The following SCN2A variants were observed in gnomAD, a reference collection of about 807,000 sequenced individuals.
The protein encoded by SCN2A is sodium channel protein type 2 subunit alpha.
SCN2A carries 20 observed loss-of-function variants against 188.7 expected under a neutral mutation model. The ratio of observed to expected loss-of-function variants is 0.11; its 90% CI spans 0.07 to 0.15. SCN2A has a LOEUF of 0.15. Ranked by LOEUF, SCN2A falls within the 10% of genes least tolerant of loss-of-function variation. The pLI is 1.00. For missense variants in SCN2A, 1,278 were observed against 2,445.0 expected, an observed-to-expected ratio of 0.52 and a Z score of 10.07; for synonymous variants, 804 against 833.1, an observed-to-expected ratio of 0.97 and a Z score of 0.60.
intron 3 of SCN2A, among the ~76,000 whole-genome samples, chr2:165,304,766 G>T (rs1395399690): frequency 6.6e-6 from 1 of 152,110 alleles, no homozygotes; most frequent in African/African-American, 2.4e-5. Context: ...AATAATTACA[G>T]TATTATCCAA....
chr2:165,354,651 G>A lies in SCN2A; in HGVS notation c.3379G>A (p.Asp1127Asn). Residue 1127 changes from aspartate (D) to asparagine (N), a missense_variant, in exon 17 of 27, where the codon GAT (aspartate) becomes AAT (asparagine). Around this residue, in one of 17 missense-constraint regions of SCN2A, gnomAD observed 228 missense variants for 297.3 expected, o/e 0.77. Coordinates refer to ENST00000375437, the MANE Select transcript of SCN2A (RefSeq NM_001040142.2). ...TACTGAAGAATTCAGCAGCGAGTCAGATATGGAGGAAAGCAAAGAGGTAAA... is the reference window on the plus strand; with the variant it reads ...TACTGAAGAATTCAGCAGCGAGTCAAATATGGAGGAAAGCAAAGAGGTAAA... Reference protein sequence around the residue: ...LNTEEFSSESDMEESKEKLNA... With the variant: ...LNTEEFSSESNMEESKEKLNA... 1 of 1,613,774 alleles carries A rather than the reference G, an allele frequency of 6.2e-7. No individual in the cohort carries two copies. The highest frequency in any genetic ancestry group is 8.5e-7 in the Non-Finnish European group (1 of 1,179,934).
In SCN2A at chr2:165,276,901, C is replaced by T. The variant is rs79884927; in HGVS notation, c.-51-18872C>T. ...AAAAATTAGTTCAATTCTGGATGGG[C>T]GCGGTGGCTCATGCCTATAATCCCA... On this transcript the variant is annotated intron_variant, in intron 1 of 26. Coordinates refer to ENST00000375437, the MANE Select transcript of SCN2A (RefSeq NM_001040142.2). 8.6e-3 allele frequency among the ~76,000 whole-genome samples: 1,308 copies of T among 152,132 alleles called. 14 individuals are homozygous for T. The highest frequency in any genetic ancestry group is 0.029 in the African/African-American group (1,220 of 41,502).
intron 17 of SCN2A, among the ~76,000 whole-genome samples, chr2:165,359,920 T>C (rs988148104): frequency 6.6e-6 from 1 of 152,014 alleles, no homozygotes; most frequent in Non-Finnish European, 1.5e-5. Context: ...TTAAAAATGT[T>C]ATAATGTATT....
intron 1 of SCN2A, 82 bp downstream of exon 1, chr2:165,239,722 T>G: frequency 1.6e-6 from 1 of 607,750 alleles, no homozygotes; most frequent in Non-Finnish European, 2.1e-6. Context: ...AGATGTGTGC[T>G]TTGTTAGCTT....
chr2:165,299,807 GT>G (rs1696707150), intron 3 of SCN2A, among the ~76,000 whole-genome samples: 1 of 152,206 alleles, frequency 6.6e-6, no homozygotes, highest in Non-Finnish European at 1.5e-5. Flanking sequence ...TTTGGCCACA[GT>G]TGGGAGGTCA....
At chr2:165,287,297 G>A (rs1410830700) in intron 1 of SCN2A, among the ~76,000 whole-genome samples, 1 of 152,156 alleles carries the variant, frequency 6.6e-6, no homozygotes, top group African/African-American at 2.4e-5. Context: ...CACATGTGCA[G>A]TGATCTGCCA....
chr2:165,310,996 A>G (rs994241595), intron 7 of SCN2A, among the ~76,000 whole-genome samples: 6 of 152,142 alleles, frequency 3.9e-5, no homozygotes, highest in South Asian at 2.1e-4. Context: ...TTGATGCAAC[A>G]TATGTATTGA....
At chr2:165,329,687 C>A (rs1334414784) in intron 13 of SCN2A, among the ~76,000 whole-genome samples, 2 of 152,048 alleles carry the variant, frequency 1.3e-5, no homozygotes, top group Non-Finnish European at 2.9e-5. Flanking sequence ...CATATTATGG[C>A]AGTATACAGA....
At chr2:165,265,185 T>C (rs1694784440) in intron 1 of SCN2A, among the ~76,000 whole-genome samples, 2 of 151,974 alleles carry the variant, frequency 1.3e-5, no homozygotes, top group Non-Finnish European at 2.9e-5. Flanking sequence ...TGTGAGATGG[T>C]ATCTCTTTGT....
At position 165,309,450 on chromosome 2, in the gene SCN2A, G is replaced by C. The variant is rs781207717; in HGVS notation, c.697+7G>C. ...ACAATTTCAGTCATTCCAGGTGAGA[G>C]CTAGGTTAAACACCGAGGCTGACTT... is the stretch of plus-strand genomic sequence containing the variant. On this transcript the variant is annotated splice_region_variant and intron_variant, in intron 6 of 26. Transcript: ENST00000375437. 6.2e-7 allele frequency: 1 copy of C among 1,613,502 alleles called. No homozygotes were observed. The highest frequency in any genetic ancestry group is 2.2e-5 in the East Asian group (1 of 44,872).
At position 165,389,837 on chromosome 2, in the gene SCN2A, A is replaced by T. The variant is rs767960557; in HGVS notation, c.*13A>T. 6.3e-7 allele frequency: 1 copy of T among 1,589,574 alleles called. No homozygotes were observed. The highest frequency in any genetic ancestry group is 8.6e-7 in the Non-Finnish European group (1 of 1,167,586). ...AAGTAAAAAGTAAAAAGAAACCAAG[A>T]ATTTTCCATTTTGTGATCAATTGTT... On this transcript the variant is annotated 3_prime_UTR_variant, in exon 27 of 27. Coordinates refer to ENST00000375437, the MANE Select transcript of SCN2A (RefSeq NM_001040142.2). The surrounding 1 kb of genome is among the most constrained non-coding windows in gnomAD (Gnocchi z 4.2).
intron 1 of SCN2A, chr2:165,294,177 C>A: frequency 2.3e-6 from 2 of 855,470 alleles, no homozygotes; most frequent in Non-Finnish European, 2.8e-6. Context: ...CTCTGTGATG[C>A]TTCTCTACCT....
intron 11 of SCN2A, among the ~76,000 whole-genome samples, chr2:165,322,555 C>T (rs1250103035): frequency 6.6e-6 from 1 of 152,164 alleles, no homozygotes; most frequent in East Asian, 1.9e-4. Context: ...ATAAATCATA[C>T]AGTTATTTCA....
chr2:165,375,029 C>G, intron 22 of SCN2A, 63 bp downstream of exon 22: 1 of 1,414,758 alleles, frequency 7.1e-7, no homozygotes, highest in Middle Eastern at 1.8e-4. Flanking sequence ...GTTTTTCTTC[C>G]TCATAATGAG....
intron 17 of SCN2A, among the ~76,000 whole-genome samples, chr2:165,355,367 G>A (rs889977023): frequency 6.6e-6 from 1 of 152,108 alleles, no homozygotes; most frequent in Admixed American, 6.5e-5. Context: ...GTAACTTAAT[G>A]TATTCTTTGA....
intron 25 of SCN2A, among the ~76,000 whole-genome samples, chr2:165,385,867 T>C (rs1490568300): frequency 2.0e-5 from 3 of 152,070 alleles, no homozygotes; most frequent in Non-Finnish European, 4.4e-5. Flanking sequence ...TAAAGTAAAA[T>C]TAATACCCTC....
intron 1 of SCN2A, among the ~76,000 whole-genome samples, chr2:165,276,490 T>C (rs937552855): frequency 2.6e-5 from 4 of 152,228 alleles, no homozygotes; most frequent in African/African-American, 7.2e-5. Flanking sequence ...AGATTCATTC[T>C]TGGTGCTAAA....
rs190718936 is a variant in SCN2A at position 165,248,885 on chromosome 2, T to C, written c.-52+9245T>C. Among the ~76,000 whole-genome samples, 1,251 of 152,256 alleles carry C rather than the reference T, an allele frequency of 8.2e-3. 13 individuals carry two copies. Among genetic ancestry groups the C allele is most frequent in the Non-Finnish European group, 9.9e-3 (674 of 67,992 alleles). ...TAAGCATACTAAGGGGCACCATGCT[T>C]TCTCTTTCACTTTATTGGGCTGATT... On this transcript the variant is annotated intron_variant, in intron 1 of 26. Coordinates refer to ENST00000375437, the MANE Select transcript of SCN2A (RefSeq NM_001040142.2).
At chr2:165,262,311 G>C (rs75487754) in intron 1 of SCN2A, among the ~76,000 whole-genome samples, 1 of 152,134 alleles carries the variant, frequency 6.6e-6, no homozygotes, top group South Asian at 2.1e-4. Flanking sequence ...AGATTCTGGT[G>C]CACCCTGACC....
Sources: gnomAD v4.1 joint callset for allele counts (sites outside exome capture counted in the v4.1 genomes callset) on GRCh38, gnomAD v4.1.1 for gene constraint, gnomAD v4.1.1 regional missense constraint, Gnocchi (gnomAD v3.1) non-coding constraint, MANE v1.5 for transcripts, NCBI Gene and HGNC (gene_info 2026-07-23, HGNC 2026-07-21) for gene names.